The following OSBP2 variants were observed in gnomAD, a reference collection of about 807,000 sequenced individuals.
The protein encoded by OSBP2 is oxysterol binding protein 2.
In OSBP2, 66 loss-of-function variants were observed where a neutral mutation model predicts 96.0. The ratio of observed to expected loss-of-function variants is 0.69; its 90% CI spans 0.56 to 0.84. OSBP2 has a LOEUF of 0.84. OSBP2 is among the 40% of genes least tolerant of loss of function. The probability of loss-of-function intolerance (pLI) is 0.00; values close to 1 mark genes in which losing one functional copy is unlikely to be tolerated. For synonymous variants in OSBP2, 525 were observed against 520.9 expected (o/e 1.01, Z -0.11); for missense variants, 1,038 against 1,222.7 (o/e 0.85, Z 2.25).
Position 30,700,174 on chromosome 22 carries a change from C to CA in OSBP2, c.644+4623dup, listed in dbSNP as rs560076941. 4.8e-3 allele frequency among the ~76,000 whole-genome samples: 727 copies of CA among 152,066 alleles called. 6 individuals carry two copies. Among genetic ancestry groups the CA allele is most frequent in the African/African-American group, 0.015 (607 of 41,488 alleles). On this transcript the variant is annotated intron_variant, in intron 1 of 13. Coordinates refer to ENST00000332585, the MANE Select transcript of OSBP2 (RefSeq NM_030758.4). Reference sequence around the variant, plus strand: ...AGAGACGGGGTTTCACCATGTCGGCCAAGCTGATCTCAAACTCCTGACCTC... The same window carrying CA: ...AGAGACGGGGTTTCACCATGTCGGCCAAAGCTGATCTCAAACTCCTGACCTC...
chr22:30,845,840 C>T (rs1406667434), intron 2 of OSBP2, among the ~76,000 whole-genome samples: 1 of 143,406 alleles, frequency 7.0e-6, no homozygotes, highest in African/African-American at 2.6e-5. Context: ...GAGATCGTGC[C>T]ACTGCACTCC....
chr22:30,766,335 A>G (rs930481173), intron 2 of OSBP2, among the ~76,000 whole-genome samples: 3 of 152,234 alleles, frequency 2.0e-5, no homozygotes, highest in African/African-American at 7.2e-5. Context: ...CGGGACAGCC[A>G]TGCCTCCTTG....
chr22:30,839,913 T>C (rs2038713056), intron 2 of OSBP2, among the ~76,000 whole-genome samples: 1 of 152,172 alleles, frequency 6.6e-6, no homozygotes, highest in Non-Finnish European at 1.5e-5. Context: ...ATGAAGTTCT[T>C]GCCCATGCCT....
chr22:30,906,452 A>T lies in OSBP2; in HGVS notation c.*113A>T. 2 of 1,271,628 alleles carry T rather than the reference A, an allele frequency of 1.6e-6. No homozygotes were observed. Among genetic ancestry groups the T allele is most frequent in the Non-Finnish European group, 2.1e-6 (2 of 957,868 alleles). The allele number at this position is 1,271,628 out of a possible 1,614,324, so 78.8% of individuals were successfully genotyped here. ...TCCCAGCCCATTCCCAGCCCTTCCT[A>T]TTTCCTTTCCTATTTTTTTTTTCTC... On this transcript the variant is annotated 3_prime_UTR_variant, in exon 14 of 14. Transcript: ENST00000332585.
chr22:30,836,107 C>T (rs946503813), intron 2 of OSBP2, among the ~76,000 whole-genome samples: 1 of 152,196 alleles, frequency 6.6e-6, no homozygotes, highest in Non-Finnish European at 1.5e-5. Context: ...CACTCTACCA[C>T]TTCTGATGAC....
intron 2 of OSBP2, among the ~76,000 whole-genome samples, chr22:30,846,335 C>G (rs2038870236): frequency 6.6e-6 from 1 of 151,992 alleles, no homozygotes; most frequent in African/African-American, 2.4e-5. Context: ...TTAGTAGAGA[C>G]AGGGTCTCAC....
At chr22:30,829,154 A>G (rs1233016459) in intron 2 of OSBP2, among the ~76,000 whole-genome samples, 2 of 152,158 alleles carry the variant, frequency 1.3e-5, no homozygotes, top group African/African-American at 4.8e-5. Flanking sequence ...CCTGGAGAAC[A>G]TAGCGTGCTC....
intron 2 of OSBP2, among the ~76,000 whole-genome samples, chr22:30,861,579 A>C (rs1441682192): frequency 6.6e-6 from 1 of 152,106 alleles, no homozygotes; most frequent in African/African-American, 2.4e-5. Context: ...TTTCCATCAG[A>C]TTAGATCCTG....
chr22:30,736,633 A>G lies in OSBP2; in HGVS notation c.645-4528A>G, dbSNP rs117703637. Among the ~76,000 whole-genome samples the G allele has an allele frequency of 2.2e-4, 34 of 152,326 alleles. 1 individual carries two copies. The East Asian group carries it at 6.2e-3, about 28-fold the overall frequency. On this transcript the variant is annotated intron_variant, in intron 1 of 13. Transcript: ENST00000332585. The stretch of plus-strand genomic sequence containing the variant: ...TAGAAAAATAGTGCAGACAATTCCT[A>G]TATACTCTTTGCTTAGCTCCCCTTA...
In OSBP2 at chr22:30,893,613, GCTGACCA is replaced by G. The variant is rs778000171; in HGVS notation, c.2095-21_2095-15del. The G allele has an allele frequency of 1.9e-6, 3 of 1,612,864 alleles. No individual in the cohort carries two copies. Among genetic ancestry groups the G allele is most frequent in the Admixed American group, 3.3e-5 (2 of 60,028 alleles). On this transcript the variant is annotated intron_variant, in intron 10 of 13. Coordinates refer to ENST00000332585, the MANE Select transcript of OSBP2 (RefSeq NM_030758.4). ...GGGGTGCATGGCCCGGGGGCTGGCC[GCTGACCA>G]CTGCCCTCCTTCGCCAGTCAGGGGA... is the stretch of plus-strand genomic sequence containing the variant.
chr22:30,896,818 A>G (rs1288732410), intron 12 of OSBP2, among the ~76,000 whole-genome samples: 2 of 151,970 alleles, frequency 1.3e-5, no homozygotes, highest in Non-Finnish European at 2.9e-5. Context: ...GCTAATTTTT[A>G]AAAATTTTTT....
chr22:30,816,177 G>T (rs11914244), intron 2 of OSBP2, among the ~76,000 whole-genome samples: 2,740 of 152,208 alleles, frequency 0.018, 76 homozygotes, highest in African/African-American at 0.06. Flanking sequence ...CGCCAAGGCT[G>T]CTTTAATTGG....
chr22:30,808,137 C>T (rs192819060), intron 2 of OSBP2, among the ~76,000 whole-genome samples: 1 of 152,246 alleles, frequency 6.6e-6, no homozygotes, highest in East Asian at 1.9e-4. Flanking sequence ...AGCAGTAGTG[C>T]TAAAGCCAGT....
intron 2 of OSBP2, among the ~76,000 whole-genome samples, chr22:30,831,597 C>T (rs755511006): frequency 1.6e-4 from 24 of 152,024 alleles, no homozygotes; most frequent in Non-Finnish European, 7.4e-5. Context: ...AAATATAGGG[C>T]CCCTTGCAAA....
At chr22:30,781,591 G>A (rs1394800919) in intron 2 of OSBP2, among the ~76,000 whole-genome samples, 1 of 152,186 alleles carries the variant, frequency 6.6e-6, no homozygotes, top group African/African-American at 2.4e-5. Flanking sequence ...AAGATCCAGG[G>A]GATGTGAATG....
chr22:30,774,858 A>C (rs1602245080), intron 2 of OSBP2, among the ~76,000 whole-genome samples: 1 of 152,220 alleles, frequency 6.6e-6, no homozygotes, highest in Admixed American at 6.5e-5. Context: ...GTTACCAAAC[A>C]ATGAGTAACT....
At chr22:30,824,327 C>T (rs561161360) in intron 2 of OSBP2, among the ~76,000 whole-genome samples, 4 of 152,230 alleles carry the variant, frequency 2.6e-5, no homozygotes, top group Admixed American at 2.0e-4. Flanking sequence ...CTTGCTGCAC[C>T]GGAGGGAGGA....
intron 1 of OSBP2, among the ~76,000 whole-genome samples, chr22:30,725,607 T>C (rs1050396113): frequency 1.3e-5 from 2 of 152,088 alleles, no homozygotes; most frequent in Admixed American, 1.3e-4. Context: ...ACCAGTTCTA[T>C]GGACCAGGGC....
intron 1 of OSBP2, among the ~76,000 whole-genome samples, chr22:30,728,756 C>T (rs1221668906): frequency 1.4e-4 from 22 of 152,140 alleles, no homozygotes; most frequent in Admixed American, 1.3e-3. Flanking sequence ...CATGGTCTCC[C>T]AAAGTGTTGG....
Sources: allele counts gnomAD v4.1 joint callset (sites outside exome capture counted in the v4.1 genomes callset), GRCh38; gene constraint gnomAD v4.1.1; transcripts MANE v1.5; gene names NCBI Gene and HGNC (gene_info 2026-07-23, HGNC 2026-07-21).